The following CTNNAL1 variants were observed in gnomAD, a reference collection of about 807,000 sequenced individuals.
The protein encoded by CTNNAL1 is catenin alpha like 1, also known as alpha-catulin.
A neutral mutation model predicts 93.6 loss-of-function variants in CTNNAL1; 69 were observed. The observed-to-expected ratio is 0.74, with a 90% CI of 0.61 to 0.90. CTNNAL1 has a LOEUF of 0.90. Among genes scored for constraint, CTNNAL1 ranks in the 40% least tolerant of loss-of-function variants. CTNNAL1 has a pLI of 0.00. For missense variants in CTNNAL1, 836 were observed against 862.0 expected (o/e 0.97, Z 0.38); for synonymous variants, 286 against 305.4 (o/e 0.94, Z 0.66).
At chr9:108,951,122 T>G (rs1830552049) in intron 14 of CTNNAL1, among the ~76,000 whole-genome samples, 1 of 151,540 alleles carries the variant, frequency 6.6e-6, no homozygotes, top group Admixed American at 6.6e-5. Context: ...GCCATTCTCC[T>G]GCCTCAGCCT....
rs778031559 is a variant in CTNNAL1 at position 109,013,428 on chromosome 9, G to A, written c.15C>T (p.Pro5=). The change falls in exon 1 of 19, where the codon CCC becomes CCT. Residue 5 remains proline (P), a synonymous_variant. Transcript: ENST00000325551. ...CGGCGCCGCCAACGCCGGCGGGTCC[G>A]GGAGAGGCGGCCATGGCCCTCGGTC... MAAS[P]GPAGVGGAGA... 6 of 1,478,146 alleles carry A rather than the reference G, an allele frequency of 4.1e-6. No individual in the cohort carries two copies. Among genetic ancestry groups the A allele is most frequent in the Non-Finnish European group, 5.4e-6 (6 of 1,112,790 alleles). The allele number at this position is 1,478,146 out of a possible 1,614,324, so 91.6% of individuals were successfully genotyped here.
At chr9:108,990,695 C>T in intron 4 of CTNNAL1, 31 bp downstream of exon 4, 6 of 1,598,418 alleles carry the variant, frequency 3.8e-6, no homozygotes, top group Non-Finnish European at 4.3e-6. Flanking sequence ...ATGTATTTAT[C>T]TGAAGATTGT....
At chr9:108,968,744 C>A (rs911591281) in intron 10 of CTNNAL1, among the ~76,000 whole-genome samples, 1 of 152,170 alleles carries the variant, frequency 6.6e-6, no homozygotes, top group Non-Finnish European at 1.5e-5. Context: ...CAACATGATT[C>A]TCCTAGAGGG....
At chr9:109,005,492 G>A (rs1826995400) in intron 1 of CTNNAL1, among the ~76,000 whole-genome samples, 1 of 152,132 alleles carries the variant, frequency 6.6e-6, no homozygotes, top group African/African-American at 2.4e-5. Flanking sequence ...GAGCTCTCAT[G>A]AATGGGATTA....
chr9:108,958,516 C>G (rs1029960977), intron 11 of CTNNAL1, among the ~76,000 whole-genome samples: 1 of 152,054 alleles, frequency 6.6e-6, no homozygotes, highest in African/African-American at 2.4e-5. Context: ...ATGATTTATA[C>G]GAATTTGAGG....
In CTNNAL1 at chr9:108,983,191, G is replaced by A. The variant is rs757062428; in HGVS notation, c.854C>T (p.Thr285Ile). The change falls in exon 6 of 19, where the codon ACT becomes ATT. Residue 285 changes from threonine (T) to isoleucine (I), a missense_variant. Physicochemically the swap from Thr to Ile is moderately conservative, Grantham distance 89. Transcript: ENST00000325551. ...IVTDCKPNGE[T>I]DISSISIFTG... is the part of the protein sequence containing the mutation. ...AAAAATACTGATAGATGAAATGTCA[G>A]TCTCTCCATTCGGTTTACAGTCAGT... 1 of 1,572,638 alleles carries A rather than the reference G, an allele frequency of 6.4e-7. No homozygotes were observed. Among genetic ancestry groups the A allele is most frequent in the Non-Finnish European group, 8.6e-7 (1 of 1,159,226 alleles).
At chr9:109,001,546 T>C (rs1826829288) in intron 1 of CTNNAL1, among the ~76,000 whole-genome samples, 1 of 152,186 alleles carries the variant, frequency 6.6e-6, no homozygotes, top group African/African-American at 2.4e-5. Context: ...ACTTTCATCT[T>C]ACTCACTCAC....
chr9:108,983,291 C>T lies in CTNNAL1; in HGVS notation c.754G>A (p.Glu252Lys), dbSNP rs35054084. 3.3e-5 allele frequency: 51 copies of T among 1,556,308 alleles called. No homozygotes were observed. The highest frequency in any genetic ancestry group is 1.7e-4 in the Middle Eastern group (1 of 5,896). Reference sequence around the variant, plus strand: ...CCTTCTTTGTTTTTATGGGCTGATTCGCAGTTAGGATGCCTCAGACATGTC... The same window carrying T: ...CCTTCTTTGTTTTTATGGGCTGATTTGCAGTTAGGATGCCTCAGACATGTC... Reference protein sequence around the residue: ...SKTCLRHPNCESAHKNKEGVF... With the variant: ...SKTCLRHPNCKSAHKNKEGVF... Residue 252 changes from glutamate (E) to lysine (K), a missense_variant, in exon 6 of 19, where the codon GAA becomes AAA. Glu to Lys is a moderately conservative substitution (Grantham distance 56). Coordinates refer to ENST00000325551, the MANE Select transcript of CTNNAL1 (RefSeq NM_003798.4).
At chr9:108,952,146 CT>C in intron 14 of CTNNAL1, 62 bp downstream of exon 14, 4 of 1,412,792 alleles carry the variant, frequency 2.8e-6, no homozygotes, top group Non-Finnish European at 3.8e-6. Context: ...TAACATGGAA[CT>C]TTTTTCTTTA....
intron 1 of CTNNAL1, among the ~76,000 whole-genome samples, chr9:109,007,100 G>A (rs1827050966): frequency 6.6e-6 from 1 of 151,898 alleles, no homozygotes. Context: ...GATGTAAGGT[G>A]CCTGGGTGCC....
chr9:108,948,262 TAACAAAAAGTTA>T, intron 14 of CTNNAL1, 28 bp from the exon 15 acceptor site: 1 of 1,597,570 alleles, frequency 6.3e-7, no homozygotes, highest in South Asian at 1.1e-5. Context: ...GTTAAGAAGG[TAACAAAAAGTTA>T]TTACCTGAAA....
Position 108,952,361 on chromosome 9 carries a change from C to A in CTNNAL1, c.1683G>T (p.Glu561Asp), listed in dbSNP as rs1390024374. The A allele has an allele frequency of 2.5e-6, 4 of 1,614,014 alleles. No individual in the cohort carries two copies. The African/African-American group carries it at 5.3e-5, about 22-fold the overall frequency. The part of the protein sequence containing the change: ...SLKPDKPDSE[E>D]QAKIAKLGLK... Reference sequence around the variant, plus strand: ...GTCCAAGCTTTGCTATCTTGGCTTGCTCCTATGAAACAGACGTTTTAATCA... The same window carrying A: ...GTCCAAGCTTTGCTATCTTGGCTTGATCCTATGAAACAGACGTTTTAATCA... The change falls in exon 14 of 19, where the codon GAG becomes GAT. Residue 561 changes from glutamate (E) to aspartate (D), a missense_variant and splice_region_variant. By Grantham distance (45) the Glu-to-Asp change is conservative. Coordinates refer to ENST00000325551, the MANE Select transcript of CTNNAL1 (RefSeq NM_003798.4).
intron 11 of CTNNAL1, among the ~76,000 whole-genome samples, chr9:108,960,623 C>G (rs1199354260): frequency 6.6e-6 from 1 of 152,178 alleles, no homozygotes; most frequent in Admixed American, 6.5e-5. Context: ...TCTCTATAAA[C>G]TGAAGCGTAG....
intron 1 of CTNNAL1, among the ~76,000 whole-genome samples, chr9:109,012,631 G>A (rs1022415859): frequency 2.0e-5 from 3 of 152,192 alleles, no homozygotes; most frequent in African/African-American, 7.2e-5. Context: ...TTGGCAAAAC[G>A]GTGTGCATCT....
intron 2 of CTNNAL1, among the ~76,000 whole-genome samples, chr9:108,997,287 C>A (rs1340407952): frequency 6.6e-6 from 1 of 152,136 alleles, no homozygotes; most frequent in Non-Finnish European, 1.5e-5. Flanking sequence ...CTTTACAGCC[C>A]TATTACACTG....
intron 1 of CTNNAL1, among the ~76,000 whole-genome samples, chr9:109,007,948 AT>A (rs1483316602): frequency 6.6e-6 from 1 of 151,388 alleles, no homozygotes; most frequent in Admixed American, 6.6e-5. Context: ...TTGAACCTTT[AT>A]TTTTTTTCAC....
Position 108,980,674 on chromosome 9 carries a change from A to C in CTNNAL1, c.901-1193T>G, listed in dbSNP as rs188165296. On this transcript the variant is annotated intron_variant, in intron 6 of 18. Coordinates refer to ENST00000325551, the MANE Select transcript of CTNNAL1 (RefSeq NM_003798.4). The stretch of plus-strand genomic sequence containing the variant: ...CTAGGAAAGAATACAGATAATAGTA[A>C]GGTATGGAATTTACAATGGGGATCT... Among the ~76,000 whole-genome samples, 5 of 152,298 alleles carry C rather than the reference A, an allele frequency of 3.3e-5. No homozygotes were observed. The East Asian group carries it at 7.7e-4, about 24-fold the overall frequency.
At chr9:109,006,704 A>T (rs1827037784) in intron 1 of CTNNAL1, among the ~76,000 whole-genome samples, 1 of 152,202 alleles carries the variant, frequency 6.6e-6, no homozygotes, top group Non-Finnish European at 1.5e-5. Flanking sequence ...TGGTGTACTA[A>T]AGAACTCTGC....
At chr9:108,956,185 G>C (rs574094519) in intron 11 of CTNNAL1, among the ~76,000 whole-genome samples, 1 of 152,228 alleles carries the variant, frequency 6.6e-6, no homozygotes, top group South Asian at 2.1e-4. Context: ...TCTTTTATCA[G>C]TACCAGTATC....
Sources: allele counts gnomAD v4.1 joint callset (sites outside exome capture counted in the v4.1 genomes callset), GRCh38; gene constraint gnomAD v4.1.1; transcripts MANE v1.5; gene names NCBI Gene and HGNC (gene_info 2026-07-23, HGNC 2026-07-21).